LDLRAD3: variants seen among roughly 807,000 people sequenced by gnomAD.
LDLRAD3 encodes low density lipoprotein receptor class A domain containing 3.
LDLRAD3 carries 20 observed loss-of-function variants against 29.4 expected under a neutral mutation model. That is an observed-to-expected ratio of 0.68 (90% CI 0.48 to 0.99). The LOEUF is 0.99. Ranked by LOEUF, LDLRAD3 falls within the 50% of genes least tolerant of loss-of-function variation. The probability of loss-of-function intolerance (pLI) is 0.00; values close to 1 mark genes in which losing one functional copy is unlikely to be tolerated. For missense variants in LDLRAD3, 420 were observed against 454.3 expected (o/e 0.92, Z 0.69); for synonymous variants, 157 against 192.7 (o/e 0.81, Z 1.53).
intron 1 of LDLRAD3, among the ~76,000 whole-genome samples, chr11:36,015,971 A>G (rs1330477309): frequency 6.6e-6 from 1 of 152,204 alleles, no homozygotes; most frequent in Non-Finnish European, 1.5e-5. Context: ...ACCCAGTAGC[A>G]TGGAAATAGG....
At chr11:36,043,654 A>G (rs1852410618) in intron 2 of LDLRAD3, among the ~76,000 whole-genome samples, 1 of 152,224 alleles carries the variant, frequency 6.6e-6, no homozygotes, top group African/African-American at 2.4e-5. Flanking sequence ...ACCATGTGAC[A>G]ACAGAGGCAG....
At chr11:35,956,858 C>G (rs896642753) in intron 1 of LDLRAD3, among the ~76,000 whole-genome samples, 2 of 152,060 alleles carry the variant, frequency 1.3e-5, no homozygotes, top group Admixed American at 6.5e-5. Context: ...GCCTCAGCCT[C>G]CTGAGTAGCT....
intron 4 of LDLRAD3, among the ~76,000 whole-genome samples, chr11:36,154,218 G>C (rs1190657061): frequency 6.6e-6 from 1 of 152,172 alleles, no homozygotes; most frequent in South Asian, 2.1e-4. Context: ...CACACCGACT[G>C]AAAGTAAGTC....
intron 1 of LDLRAD3, among the ~76,000 whole-genome samples, chr11:35,956,956 C>T (rs1358501476): frequency 2.0e-5 from 3 of 152,174 alleles, no homozygotes; most frequent in East Asian, 1.9e-4. Context: ...AGGATGATCT[C>T]GATCTCCTGA....
chr11:36,094,703 A>T (rs1018503542), intron 3 of LDLRAD3, among the ~76,000 whole-genome samples: 1 of 151,958 alleles, frequency 6.6e-6, no homozygotes, highest in Non-Finnish European at 1.5e-5. Flanking sequence ...CACCCAGCTA[A>T]TTTTTGTATT....
At chr11:36,079,240 C>T (rs1853071183) in intron 2 of LDLRAD3, among the ~76,000 whole-genome samples, 1 of 152,172 alleles carries the variant, frequency 6.6e-6, no homozygotes, top group African/African-American at 2.4e-5. Context: ...ATCAGTATGT[C>T]CTAGAAATCA....
chr11:36,198,219 G>A (rs1363303826), intron 4 of LDLRAD3, among the ~76,000 whole-genome samples: 1 of 152,148 alleles, frequency 6.6e-6, no homozygotes, highest in African/African-American at 2.4e-5. Flanking sequence ...TGAGATGAAG[G>A]AGAGGTCTTA....
intron 1 of LDLRAD3, among the ~76,000 whole-genome samples, chr11:35,980,812 A>T (rs1318372226): frequency 1.3e-5 from 2 of 152,194 alleles, no homozygotes; most frequent in South Asian, 2.1e-4. Context: ...TGCCTTGCAG[A>T]TGTGTTTTGA....
intron 1 of LDLRAD3, among the ~76,000 whole-genome samples, chr11:36,022,917 A>G (rs1852115784): frequency 6.6e-6 from 1 of 152,156 alleles, no homozygotes; most frequent in Non-Finnish European, 1.5e-5. Flanking sequence ...CATGCATACT[A>G]AAGTGGGGAC....
At chr11:35,987,901 C>G (rs1046269237) in intron 1 of LDLRAD3, among the ~76,000 whole-genome samples, 1 of 152,148 alleles carries the variant, frequency 6.6e-6, no homozygotes, top group Non-Finnish European at 1.5e-5. Context: ...ATAAGCGTTC[C>G]GTTTGCTCCA....
intron 4 of LDLRAD3, among the ~76,000 whole-genome samples, chr11:36,118,602 T>C (rs114830609): frequency 6.6e-6 from 1 of 151,960 alleles, no homozygotes; most frequent in African/African-American, 2.4e-5. Context: ...TGGATTCAAT[T>C]TGGGGGTCCT....
At chr11:36,046,535 A>G (rs896851340) in intron 2 of LDLRAD3, among the ~76,000 whole-genome samples, 1 of 152,060 alleles carries the variant, frequency 6.6e-6, no homozygotes, top group African/African-American at 2.4e-5. Flanking sequence ...TTTTTTAAGG[A>G]CACTGATCAT....
chr11:36,071,103 TACACAG>T (rs1852894139), intron 2 of LDLRAD3, among the ~76,000 whole-genome samples: 1 of 152,110 alleles, frequency 6.6e-6, no homozygotes, highest in Non-Finnish European at 1.5e-5. Context: ...AATAATGAAA[TACACAG>T]ATGTTAAAAT....
At chr11:36,008,615 G>A (rs1244770030) in intron 1 of LDLRAD3, among the ~76,000 whole-genome samples, 1 of 152,208 alleles carries the variant, frequency 6.6e-6, no homozygotes, top group Non-Finnish European at 1.5e-5. Context: ...ATCTGTCTCT[G>A]TATGTGCCTG....
At chr11:36,126,912 C>A (rs1853846416) in intron 4 of LDLRAD3, among the ~76,000 whole-genome samples, 2 of 152,204 alleles carry the variant, frequency 1.3e-5, no homozygotes, top group African/African-American at 4.8e-5. Context: ...GCAAGTGCAT[C>A]CTGTGAACTC....
chr11:36,118,280 A>G (rs1180863914), intron 4 of LDLRAD3, among the ~76,000 whole-genome samples: 1 of 152,196 alleles, frequency 6.6e-6, no homozygotes, highest in Non-Finnish European at 1.5e-5. Flanking sequence ...AAGGTCACAC[A>G]GCTAGGAAAT....
intron 2 of LDLRAD3, among the ~76,000 whole-genome samples, chr11:36,076,712 A>G (rs1214438850): frequency 6.6e-6 from 1 of 152,058 alleles, no homozygotes; most frequent in Non-Finnish European, 1.5e-5. Flanking sequence ...TTTATTTGCA[A>G]CTTCTTTCTC....
intron 4 of LDLRAD3, among the ~76,000 whole-genome samples, chr11:36,179,607 T>C (rs1854727604): frequency 6.6e-6 from 1 of 152,210 alleles, no homozygotes; most frequent in Non-Finnish European, 1.5e-5. Context: ...AATCCAGTTC[T>C]TCAGTTCCCT....
intron 1 of LDLRAD3, among the ~76,000 whole-genome samples, chr11:35,955,159 C>T (rs1040029103): frequency 1.3e-5 from 2 of 152,130 alleles, no homozygotes; most frequent in Non-Finnish European, 2.9e-5. Flanking sequence ...GCACGAGAAT[C>T]GCTTGAACCT....
Sources: gnomAD v4.1 joint callset for allele counts (sites outside exome capture counted in the v4.1 genomes callset) on GRCh38, gnomAD v4.1.1 for gene constraint, MANE v1.5 for transcripts, NCBI Gene and HGNC (gene_info 2026-07-23, HGNC 2026-07-21) for gene names.